The following GAK variants were observed in gnomAD, a reference collection of about 807,000 sequenced individuals.
The protein encoded by GAK is cyclin G associated kinase.
GAK carries 79 observed loss-of-function variants against 143.9 expected under a neutral mutation model. That is an observed-to-expected ratio of 0.55 (90% CI 0.46 to 0.66). The LOEUF (loss-of-function observed/expected upper bound fraction) is 0.66, where lower values mean the gene tolerates loss of function less well. GAK is among the 30% of genes least tolerant of loss of function. The probability of loss-of-function intolerance (pLI) is 0.00; values close to 1 mark genes in which losing one functional copy is unlikely to be tolerated. For missense variants in GAK, 1,693 were observed against 1,779.7 expected, an observed-to-expected ratio of 0.95 and a Z score of 0.88; for synonymous variants, 881 against 765.5, an observed-to-expected ratio of 1.15 and a Z score of -2.49.
rs1033109347 is a variant in GAK at position 849,601 on chromosome 4, A to G, written c.*72T>C. On this transcript the variant is annotated 3_prime_UTR_variant, in exon 28 of 28. Transcript: ENST00000314167. ...ACCTGCTGTCGCCCACGGGGTCCTC[A>G]CGGTGGGGACCCAGGTCCCACGACG... The G allele has an allele frequency of 7.9e-7, 1 of 1,258,906 alleles. No individual in the cohort carries two copies. Among genetic ancestry groups the G allele is most frequent in the African/African-American group, 1.5e-5 (1 of 67,912 alleles). 78.0% of individuals were successfully genotyped at this position (1,258,906 alleles called of 1,614,324 possible). A position where few individuals can be genotyped will look rare whatever the true frequency, so the allele number is the denominator to read the frequency against.
At chr4:912,927 G>T (rs1196942042) in intron 2 of GAK, 133 bp from the exon 3 acceptor site, 2 of 606,858 alleles carry the variant, frequency 3.3e-6, no homozygotes, top group East Asian at 5.9e-5. Flanking sequence ...CGTTTCGTGT[G>T]TCTCCACCTC....
intron 1 of GAK, among the ~76,000 whole-genome samples, chr4:924,293 C>G (rs897825102): frequency 6.6e-6 from 1 of 151,770 alleles, no homozygotes; most frequent in African/African-American, 2.4e-5. Flanking sequence ...AAATGAGAGA[C>G]CACAAGAAAT....
chr4:894,044 G>A (rs765076294), intron 7 of GAK, 35 bp from the exon 8 acceptor site: 21 of 1,524,716 alleles, frequency 1.4e-5, no homozygotes, highest in African/African-American at 4.1e-5. Flanking sequence ...CTAGGCCCAC[G>A]GGGAGCGCAG....
chr4:904,493 T>C (rs1175826565), intron 5 of GAK, 144 bp downstream of exon 5: 3 of 763,516 alleles, frequency 3.9e-6, no homozygotes, highest in East Asian at 6.4e-5. Flanking sequence ...CTGTGGATGA[T>C]GGGCGGCTCC....
chr4:904,901 T>C (rs371309753), intron 4 of GAK, 122 bp from the exon 5 acceptor site: 9 of 965,878 alleles, frequency 9.3e-6, no homozygotes, highest in African/African-American at 5.0e-5. Context: ...TTTCCACACC[T>C]AAGTAACAAA....
intron 5 of GAK, among the ~76,000 whole-genome samples, chr4:902,384 C>T (rs572263001): frequency 6.6e-6 from 1 of 151,762 alleles, no homozygotes; most frequent in East Asian, 1.9e-4. Flanking sequence ...GCGGGTGGAT[C>T]ACTCGAGCTC....
chr4:867,412 C>T lies in GAK; in HGVS notation c.2416G>A (p.Gly806Ser), dbSNP rs1302771446. 6.5e-7 allele frequency: 1 copy of T among 1,531,880 alleles called. No individual in the cohort carries two copies. Among genetic ancestry groups the T allele is most frequent in the African/African-American group, 1.4e-5 (1 of 72,602 alleles). The allele number at this position is 1,531,880 out of a possible 1,614,324, so 94.9% of individuals were successfully genotyped here. ...DWQEEKEAET[G>S]AENASSKESE... ...TCCTTGGAAGAGGCATTTTCTGCAC[C>T]AGTCTCTGCCTCCTTCTCTTCTGCG... Residue 806 changes from glycine (G) to serine (S), a missense_variant, in exon 21 of 28, where the codon GGT becomes AGT. Gly to Ser is a moderately conservative substitution (Grantham distance 56). This residue lies in a region of GAK where 822 missense variants were observed against 788.7 expected (regional missense o/e 1.04). Coordinates refer to ENST00000314167, the MANE Select transcript of GAK (RefSeq NM_005255.4).
At chr4:873,122 A>T (rs1713067456) in intron 18 of GAK, among the ~76,000 whole-genome samples, 1 of 152,256 alleles carries the variant, frequency 6.6e-6, no homozygotes. Flanking sequence ...TTGGAATTAC[A>T]GCTGTAAGCC....
chr4:859,060 C>T (rs1371088448), intron 24 of GAK: 3 of 576,642 alleles, frequency 5.2e-6, no homozygotes, highest in Non-Finnish European at 6.6e-6. Context: ...CAGGGGGATG[C>T]ATCTTGGGAG....
intron 20 of GAK, among the ~76,000 whole-genome samples, chr4:867,891 G>A (rs1364227490): frequency 2.0e-5 from 3 of 152,236 alleles, no homozygotes; most frequent in Non-Finnish European, 4.4e-5. Context: ...CTGCCTCAAG[G>A]GTCTGCCTGT....
Position 883,439 on chromosome 4 carries a change from A to G in GAK, c.1280T>C (p.Val427Ala), listed in dbSNP as rs891597769. The change falls in exon 13 of 28, where the codon GTG becomes GCG. Residue 427 changes from valine (V) to alanine (A), a missense_variant. Coordinates refer to ENST00000314167, the MANE Select transcript of GAK (RefSeq NM_005255.4). ...IAVMSFPAEG[V>A]ESALKNNIED... ...GATGTTGTTTTTGAGCGCTGACTCCACACCTTCTGCTGGGAATGACATCAC... is the reference window on the plus strand; with the variant it reads ...GATGTTGTTTTTGAGCGCTGACTCCGCACCTTCTGCTGGGAATGACATCAC... 6.1e-5 allele frequency: 99 copies of G among 1,613,552 alleles called. No homozygotes were observed. The highest frequency in any genetic ancestry group is 8.2e-5 in the Non-Finnish European group (97 of 1,180,006).
intron 1 of GAK, among the ~76,000 whole-genome samples, chr4:925,521 A>C (rs752392815): frequency 1.6e-4 from 25 of 152,204 alleles, no homozygotes; most frequent in Non-Finnish European, 3.2e-4. Flanking sequence ...AAAATACCAC[A>C]TACCAACATT....
At chr4:883,173 G>C (rs1173783070) in intron 13 of GAK, 142 bp downstream of exon 13, 1 of 979,326 alleles carries the variant, frequency 1.0e-6, no homozygotes. Context: ...GCCCCCTCCT[G>C]TCCCACGCTC....
At chr4:883,056 G>T (rs1021608735) in intron 13 of GAK, among the ~76,000 whole-genome samples, 16 of 152,246 alleles carry the variant, frequency 1.1e-4, no homozygotes, top group African/African-American at 3.9e-4. Context: ...TGTCTGGAAG[G>T]AATGCCTCGG....
chr4:866,883 A>T, intron 21 of GAK, 73 bp downstream of exon 21: 1 of 1,144,736 alleles, frequency 8.7e-7, no homozygotes, highest in Non-Finnish European at 1.2e-6. Context: ...AAACACGCCC[A>T]TGCAGTGAGA....
At chr4:892,204 C>T (rs997796567) in intron 9 of GAK, among the ~76,000 whole-genome samples, 2 of 152,210 alleles carry the variant, frequency 1.3e-5, no homozygotes, top group African/African-American at 4.8e-5. Flanking sequence ...GGGTCAGCTC[C>T]ACTGCAGTGG....
intron 4 of GAK, among the ~76,000 whole-genome samples, chr4:908,282 A>T (rs1475342890): frequency 1.3e-5 from 2 of 152,204 alleles, no homozygotes; most frequent in Admixed American, 6.5e-5. Context: ...TCCAGGAGAA[A>T]GCCCGCAGGC....
Position 896,528 on chromosome 4 carries a change from T to G in GAK, c.673A>C (p.Met225Leu). 6.2e-7 allele frequency: 1 copy of G among 1,613,344 alleles called. No homozygotes were observed. The highest frequency in any genetic ancestry group is 8.5e-7 in the Non-Finnish European group (1 of 1,179,260). The change falls in exon 7 of 28, where the codon ATG becomes CTG. Residue 225 changes from methionine (M) to leucine (L), a missense_variant. Physicochemically the swap from Met to Leu is conservative, Grantham distance 15. Around this residue, in one of 2 missense-constraint regions of GAK, gnomAD observed 871 missense variants for 991.0 expected, o/e 0.88. Coordinates refer to ENST00000314167, the MANE Select transcript of GAK (RefSeq NM_005255.4). Reference sequence around the variant, plus strand: ...TCTATGATTTCTGGTGTTCTATACATTGGTGTTGTATTCCTCGTGATCTGA... The same window carrying G: ...TCTATGATTTCTGGTGTTCTATACAGTGGTGTTGTATTCCTCGTGATCTGA... ...EEEITRNTTPMYRTPEIIDLY... is the reference protein window; with the variant it reads ...EEEITRNTTPLYRTPEIIDLY...
At chr4:852,989 G>C (rs1748448085) in intron 24 of GAK, 2 of 151,920 alleles carry the variant, frequency 1.3e-5, no homozygotes, top group Non-Finnish European at 2.9e-5. Context: ...CGACCTGAAT[G>C]CTTCACTACA....
Sources: allele counts gnomAD v4.1 joint callset (sites outside exome capture counted in the v4.1 genomes callset), GRCh38; gene constraint gnomAD v4.1.1; regional missense constraint gnomAD v4.1.1; transcripts MANE v1.5; gene names NCBI Gene and HGNC (gene_info 2026-07-23, HGNC 2026-07-21).